Variants in AFG2A observed in about 807,000 individuals in gnomAD.
AFG2A encodes AAA ATPase AFG2A.
At chr4:123,230,677 G>A in the AFG2A span, among the ~76,000 whole-genome samples, 356 of 151,892 alleles carry the variant, frequency 2.3e-3, no homozygotes, top group Non-Finnish European at 3.6e-3. Flanking sequence ...AAAGTTTTCC[G>A]TTTACTTTGC....
chr4:123,276,051 G>A, the AFG2A span, among the ~76,000 whole-genome samples: 2 of 152,120 alleles, frequency 1.3e-5, no homozygotes, highest in Non-Finnish European at 2.9e-5. Context: ...AATTCTTTGA[G>A]GAATTTCCAT....
At chr4:123,036,110 T>A in the AFG2A span, among the ~76,000 whole-genome samples, 4 of 152,274 alleles carry the variant, frequency 2.6e-5, no homozygotes, top group African/African-American at 9.6e-5. Flanking sequence ...ATAGCAAAAA[T>A]AACACCTTCT....
the AFG2A span, among the ~76,000 whole-genome samples, chr4:123,154,678 T>C: frequency 2.0e-5 from 3 of 152,306 alleles, no homozygotes; most frequent in African/African-American, 7.2e-5. Context: ...CTTTGGACCT[T>C]AATTTCCAAA....
the AFG2A span, among the ~76,000 whole-genome samples, chr4:123,276,518 G>A: frequency 6.6e-6 from 1 of 151,872 alleles, no homozygotes; most frequent in Non-Finnish European, 1.5e-5. Context: ...TGTTTTCATT[G>A]CAGTTGCCTT....
chr4:122,948,085 T>C, the AFG2A span, among the ~76,000 whole-genome samples: 1 of 152,186 alleles, frequency 6.6e-6, no homozygotes, highest in African/African-American at 2.4e-5. Flanking sequence ...AATAGGCTAT[T>C]AGTAGTTAGT....
chr4:123,063,442 A>G, the AFG2A span, among the ~76,000 whole-genome samples: 3,267 of 152,258 alleles, frequency 0.021, 60 homozygotes, highest in Non-Finnish European at 0.036. Context: ...CAAAGTGACA[A>G]TGCATAAAGA....
chr4:123,129,287 G>T, the AFG2A span, among the ~76,000 whole-genome samples: 1 of 152,206 alleles, frequency 6.6e-6, no homozygotes, highest in African/African-American at 2.4e-5. Context: ...TGTCACATTA[G>T]TTGGGTTCTC....
At chr4:123,310,840 G>A in the AFG2A span, among the ~76,000 whole-genome samples, 2 of 152,166 alleles carry the variant, frequency 1.3e-5, no homozygotes, top group African/African-American at 4.8e-5. Flanking sequence ...TGACCTTATT[G>A]ACTAGTTCTT....
chr4:123,275,308 C>T, the AFG2A span, among the ~76,000 whole-genome samples: 2 of 152,072 alleles, frequency 1.3e-5, no homozygotes, highest in African/African-American at 2.4e-5. Flanking sequence ...GCATAAAGTT[C>T]TCCTGGCCTC....
the AFG2A span, among the ~76,000 whole-genome samples, chr4:123,311,625 CAAAAAAAAAAAAAAAAAAA>C: frequency 1.1e-5 from 1 of 92,232 alleles, no homozygotes; most frequent in Admixed American, 1.2e-4. Flanking sequence ...GACTCTGTCT[CAAAAAAAAAAAAAAAAAAA>C]AAAAAAAAAA....
At chr4:123,269,684 A>G in the AFG2A span, among the ~76,000 whole-genome samples, 2 of 152,222 alleles carry the variant, frequency 1.3e-5, no homozygotes, top group Non-Finnish European at 2.9e-5. Context: ...AACATGAAGC[A>G]CCAAAATAGC....
the AFG2A span, among the ~76,000 whole-genome samples, chr4:123,090,016 C>T: frequency 6.6e-6 from 1 of 152,178 alleles, no homozygotes; most frequent in African/African-American, 2.4e-5. Context: ...AACTAGCCTG[C>T]TTTCTTTGCC....
the AFG2A span, among the ~76,000 whole-genome samples, chr4:123,078,462 G>A: frequency 2.7e-3 from 414 of 152,278 alleles, 1 homozygote; most frequent in Non-Finnish European, 4.2e-3. Context: ...TATTATTTTT[G>A]TGCATTAATA....
the AFG2A span, chr4:123,317,512 A>T: frequency 6.6e-6 from 1 of 152,160 alleles, no homozygotes. Flanking sequence ...TGCTGATGGG[A>T]GCATAAATTG....
At chr4:123,239,553 C>T in the AFG2A span, among the ~76,000 whole-genome samples, 2 of 152,090 alleles carry the variant, frequency 1.3e-5, no homozygotes. Context: ...GAATTTTCAA[C>T]CCAGAATTTG....
the AFG2A span, among the ~76,000 whole-genome samples, chr4:123,221,074 CAT>C: frequency 6.6e-6 from 1 of 152,194 alleles, no homozygotes; most frequent in Admixed American, 6.5e-5. Context: ...CCACTGGCCA[CAT>C]GTGGCTATTG....
At chr4:123,209,586 A>ATTTTTTTTTTTTTTTTTTTTTTTTT in the AFG2A span, among the ~76,000 whole-genome samples, 2 of 116,296 alleles carry the variant, frequency 1.7e-5, no homozygotes, top group Non-Finnish European at 3.4e-5. Context: ...TGCATCAAGA[A>ATTTTTTTTTTTTTTTTTTTTTTTTT]TTTTTTTTTT....
the AFG2A span, among the ~76,000 whole-genome samples, chr4:123,079,381 A>G: frequency 6.6e-6 from 1 of 152,158 alleles, no homozygotes; most frequent in Non-Finnish European, 1.5e-5. Flanking sequence ...GAGAGCATAT[A>G]TATAACTAAG....
the AFG2A span, among the ~76,000 whole-genome samples, chr4:123,149,798 CTTT>C: frequency 0.066 from 7,624 of 115,376 alleles, 35 homozygotes; most frequent in East Asian, 0.16. Context: ...TAGGAAATAG[CTTT>C]TTTTTTTTTT....
Sources: gnomAD v4.1 joint callset for allele counts (sites outside exome capture counted in the v4.1 genomes callset) on GRCh38, gnomAD v4.1.1 for gene constraint, MANE v1.5 for transcripts, NCBI Gene and HGNC (gene_info 2026-07-23, HGNC 2026-07-21) for gene names.